The following SLC35D4 variants were observed in gnomAD, a reference collection of about 807,000 sequenced individuals.
SLC35D4 encodes the protein solute carrier family 35 member D4.
At chr18:23,394,318 C>G in the SLC35D4 span, among the ~76,000 whole-genome samples, 1 of 152,140 alleles carries the variant, frequency 6.6e-6, no homozygotes, top group Non-Finnish European at 1.5e-5. Context: ...TGATGTTGAG[C>G]CTCTTTTCAT....
the SLC35D4 span, among the ~76,000 whole-genome samples, chr18:23,427,847 G>T: frequency 6.6e-6 from 1 of 152,040 alleles, no homozygotes; most frequent in Non-Finnish European, 1.5e-5. Flanking sequence ...CCATAAAAAA[G>T]GATGAGTTCA....
At chr18:23,271,811 G>A in the SLC35D4 span, among the ~76,000 whole-genome samples, 26 of 152,140 alleles carry the variant, frequency 1.7e-4, no homozygotes, top group Admixed American at 1.6e-3. Context: ...ACATAATGAC[G>A]TTTCCATTAA....
chr18:23,285,802 C>T, the SLC35D4 span, among the ~76,000 whole-genome samples: 4 of 152,180 alleles, frequency 2.6e-5, no homozygotes, highest in South Asian at 2.1e-4. Flanking sequence ...GTCCGGCTTA[C>T]GGTTTCATTC....
At chr18:23,242,583 G>A in the SLC35D4 span, among the ~76,000 whole-genome samples, 2 of 152,180 alleles carry the variant, frequency 1.3e-5, no homozygotes, top group African/African-American at 2.4e-5. Context: ...GCAATTAAGA[G>A]GAGAAAGTAA....
the SLC35D4 span, among the ~76,000 whole-genome samples, chr18:23,386,140 A>G: frequency 1.3e-5 from 2 of 151,504 alleles, no homozygotes; most frequent in African/African-American, 4.8e-5. Flanking sequence ...AAAAAAAAAA[A>G]AAAAAAAGAA....
At chr18:23,404,455 ATG>A in the SLC35D4 span, among the ~76,000 whole-genome samples, 9 of 151,360 alleles carry the variant, frequency 5.9e-5, no homozygotes, top group East Asian at 3.9e-4. Flanking sequence ...CAGGCGGATC[ATG>A]AGGTCAGGAG....
chr18:23,252,166 C>T, the SLC35D4 span, among the ~76,000 whole-genome samples: 12,385 of 151,468 alleles, frequency 0.082, 662 homozygotes, highest in Middle Eastern at 0.17. Flanking sequence ...TTACATAAGG[C>T]AAATTTATAG....
At chr18:23,313,196 C>T in the SLC35D4 span, among the ~76,000 whole-genome samples, 3 of 125,358 alleles carry the variant, frequency 2.4e-5, no homozygotes, top group Non-Finnish European at 4.9e-5. Flanking sequence ...GGCACATGAA[C>T]ATGCAACAGG....
chr18:23,347,758 G>C, the SLC35D4 span, among the ~76,000 whole-genome samples: 1 of 152,196 alleles, frequency 6.6e-6, no homozygotes, highest in African/African-American at 2.4e-5. Flanking sequence ...AGTCTAGCCA[G>C]AGGTTTGTCA....
the SLC35D4 span, among the ~76,000 whole-genome samples, chr18:23,277,000 C>T: frequency 1.8e-4 from 27 of 152,334 alleles, no homozygotes; most frequent in South Asian, 4.1e-3. Flanking sequence ...ATCGAACCAC[C>T]TCAAATCTTA....
the SLC35D4 span, among the ~76,000 whole-genome samples, chr18:23,414,894 C>T: frequency 1.3e-5 from 2 of 152,168 alleles, no homozygotes; most frequent in Non-Finnish European, 2.9e-5. Flanking sequence ...AGGAGGACTG[C>T]TTGAGGCCAG....
At chr18:23,372,440 C>T in the SLC35D4 span, among the ~76,000 whole-genome samples, 1 of 152,212 alleles carries the variant, frequency 6.6e-6, no homozygotes, top group African/African-American at 2.4e-5. Context: ...GATTTAGGTC[C>T]TGTAAGGAGA....
chr18:23,384,012 G>GT, the SLC35D4 span, among the ~76,000 whole-genome samples: 13 of 133,696 alleles, frequency 9.7e-5, no homozygotes, highest in Admixed American at 7.5e-5. Flanking sequence ...GGGGGGGGGG[G>GT]GTGTGATGTT....
chr18:23,385,175 C>T, the SLC35D4 span: 116 of 1,005,528 alleles, frequency 1.2e-4, no homozygotes, highest in Admixed American at 3.3e-4. Flanking sequence ...CTTTTGGCAT[C>T]CACATATATA....
chr18:23,275,016 T>TTGTGTGAGTGTGCGTATGC, the SLC35D4 span, among the ~76,000 whole-genome samples: 173 of 149,328 alleles, frequency 1.2e-3, no homozygotes, highest in African/African-American at 4.0e-3. Flanking sequence ...TGTATGTGTG[T>TTGTGTGAGTGTGCGTATGC]GCTTGTGTGT....
the SLC35D4 span, chr18:23,437,939 A>G: frequency 7.0e-7 from 1 of 1,424,286 alleles, no homozygotes; most frequent in Admixed American, 2.0e-5. Flanking sequence ...CAGCAGCGGC[A>G]GCGGCAGCAG....
At chr18:23,339,065 A>C in the SLC35D4 span, among the ~76,000 whole-genome samples, 94 of 152,064 alleles carry the variant, frequency 6.2e-4, 1 homozygote, top group East Asian at 0.017. Context: ...TTAAAAAAAA[A>C]CTTTTTGTAG....
the SLC35D4 span, among the ~76,000 whole-genome samples, chr18:23,302,852 G>A: frequency 6.6e-6 from 1 of 152,244 alleles, no homozygotes; most frequent in Non-Finnish European, 1.5e-5. Flanking sequence ...AGCAACTGCT[G>A]CTGTGTGCAA....
the SLC35D4 span, among the ~76,000 whole-genome samples, chr18:23,310,002 A>G: frequency 1.6e-4 from 24 of 152,338 alleles, no homozygotes; most frequent in African/African-American, 5.5e-4. Flanking sequence ...AGAAGCATTT[A>G]ACTTCCAAAT....
Sources: allele counts gnomAD v4.1 joint callset (sites outside exome capture counted in the v4.1 genomes callset), GRCh38; gene constraint gnomAD v4.1.1; transcripts MANE v1.5; gene names NCBI Gene and HGNC (gene_info 2026-07-23, HGNC 2026-07-21).